Variants in FOXP1 observed in about 807,000 individuals in gnomAD.
FOXP1 encodes forkhead box protein P1.
A neutral mutation model predicts 98.2 loss-of-function variants in FOXP1; 15 were observed. That is an observed-to-expected ratio of 0.15 (90% CI 0.10 to 0.24). The LOEUF (loss-of-function observed/expected upper bound fraction) is 0.24. Among genes scored for constraint, FOXP1 ranks in the 10% least tolerant of loss-of-function variants. FOXP1 has a pLI of 1.00. For missense variants in FOXP1, 633 were observed against 848.5 expected, an observed-to-expected ratio of 0.75 and a Z score of 3.15; for synonymous variants, 371 against 314.5, an observed-to-expected ratio of 1.18 and a Z score of -1.90.
chr3:71,033,903 G>A (rs2047222504), intron 11 of FOXP1, among the ~76,000 whole-genome samples: 1 of 152,148 alleles, frequency 6.6e-6, no homozygotes, highest in South Asian at 2.1e-4. Context: ...GACCTCAGCA[G>A]GAACAGCTTT....
intron 5 of FOXP1, among the ~76,000 whole-genome samples, chr3:71,207,210 A>G (rs1004873704): frequency 6.6e-6 from 1 of 152,024 alleles, no homozygotes; most frequent in African/African-American, 2.4e-5. Flanking sequence ...CAAATAGCCC[A>G]GTGGAATAAA....
chr3:71,582,195 A>C, intron 1 of FOXP1: 1 of 983,266 alleles, frequency 1.0e-6, no homozygotes, highest in South Asian at 4.7e-5. Context: ...CCCGGGACCA[A>C]GGCGGAGCTC....
chr3:70,972,970 C>G (rs1190185599), intron 17 of FOXP1, among the ~76,000 whole-genome samples: 2 of 152,156 alleles, frequency 1.3e-5, no homozygotes, highest in African/African-American at 4.8e-5. Context: ...GAGTACAAAT[C>G]TGAAAATGTT....
chr3:71,232,877 C>CAAAAAAGAAAAA (rs2066420273), intron 5 of FOXP1, among the ~76,000 whole-genome samples: 1 of 31,422 alleles, frequency 3.2e-5, no homozygotes, highest in Non-Finnish European at 5.9e-5. Context: ...AACTCTGTCT[C>CAAAAAAGAAAAA]AAAAAAAAAA....
intron 3 of FOXP1, among the ~76,000 whole-genome samples, chr3:71,477,040 G>A (rs542037635): frequency 6.6e-6 from 1 of 152,148 alleles, no homozygotes; most frequent in Non-Finnish European, 1.5e-5. Context: ...ATAAGAAAAG[G>A]TGAGGGCCTT....
intron 2 of FOXP1, among the ~76,000 whole-genome samples, chr3:71,505,716 C>A (rs1284587838): frequency 6.6e-6 from 1 of 152,086 alleles, no homozygotes; most frequent in Non-Finnish European, 1.5e-5. Context: ...TGAGCCACTG[C>A]GCCCAGCCCT....
At chr3:71,009,074 G>T (rs1280561056) in intron 12 of FOXP1, among the ~76,000 whole-genome samples, 1 of 139,694 alleles carries the variant, frequency 7.2e-6, no homozygotes, top group Non-Finnish European at 1.5e-5. Context: ...CTCTCCCTTA[G>T]TCTGAACCCT....
intron 7 of FOXP1, among the ~76,000 whole-genome samples, chr3:71,091,318 C>G (rs575944614): frequency 1.3e-5 from 2 of 151,872 alleles, no homozygotes; most frequent in African/African-American, 2.4e-5. Flanking sequence ...GAAGAAACCC[C>G]GTCTCTACTA....
At chr3:70,970,604 C>T (rs2036006853) in intron 19 of FOXP1, 132 bp downstream of exon 19, 2 of 818,954 alleles carry the variant, frequency 2.4e-6, no homozygotes, top group East Asian at 2.5e-5. Flanking sequence ...GAGTATGATG[C>T]TTTGTGCACT....
intron 3 of FOXP1, among the ~76,000 whole-genome samples, chr3:71,406,318 C>T (rs989469197): frequency 6.6e-6 from 1 of 150,914 alleles, no homozygotes; most frequent in African/African-American, 2.4e-5. Flanking sequence ...CTTGGAGCTG[C>T]TCACATCTCT....
intron 11 of FOXP1, among the ~76,000 whole-genome samples, chr3:71,027,311 C>A (rs2046266485): frequency 6.6e-6 from 1 of 152,164 alleles, no homozygotes; most frequent in Non-Finnish European, 1.5e-5. Flanking sequence ...CCCCAGTATG[C>A]TATGGAAGTC....
intron 5 of FOXP1, among the ~76,000 whole-genome samples, chr3:71,206,244 C>T (rs939774820): frequency 6.6e-6 from 1 of 152,146 alleles, no homozygotes; most frequent in Non-Finnish European, 1.5e-5. Context: ...CTTTTATATT[C>T]CAACTTTAAA....
intron 11 of FOXP1, among the ~76,000 whole-genome samples, chr3:71,019,552 G>C (rs1338708033): frequency 6.6e-6 from 1 of 152,054 alleles, no homozygotes; most frequent in African/African-American, 2.4e-5. Context: ...GTTTGAGTTC[G>C]GGGGCGGTGG....
Position 70,992,000 on chromosome 3 carries a change from C to G in FOXP1, c.1063-3923G>C, listed in dbSNP as rs568054517. Among the ~76,000 whole-genome samples the G allele has an allele frequency of 7.2e-5, 11 of 152,246 alleles. No homozygotes were observed. In the South Asian group the frequency reaches 2.3e-3, roughly 32 times the overall value. ...ATTTTAAATTATGAAAAGAAGGTGT[C>G]TTTTCAAAGAATCTCCATGGAAGGG... On this transcript the variant is annotated intron_variant, in intron 13 of 20. Coordinates refer to ENST00000649528, the MANE Select transcript of FOXP1 (RefSeq NM_001349338.3).
intron 3 of FOXP1, among the ~76,000 whole-genome samples, chr3:71,393,851 T>C (rs2081203971): frequency 6.6e-6 from 1 of 152,178 alleles, no homozygotes; most frequent in South Asian, 2.1e-4. Context: ...TCCCATCTGA[T>C]TCTTTTTCAT....
In FOXP1 at chr3:70,955,539, A is replaced by T; in HGVS notation, c.*3708T>A. 1 of 232,204 alleles carries T rather than the reference A, an allele frequency of 4.3e-6. No homozygotes were observed. Among genetic ancestry groups the T allele is most frequent in the Non-Finnish European group, 8.5e-6 (1 of 117,826 alleles). The allele number at this position is 232,204 out of a possible 1,614,324, so 14.4% of individuals were successfully genotyped here. On this transcript the variant is annotated 3_prime_UTR_variant, in exon 21 of 21. Transcript: ENST00000649528. Reference sequence around the variant, plus strand: ...TTTTCTTTGAGAAAAAAAAAGTAACAGATTTTCTTTACATCTTGGCACCTT... The same window carrying T: ...TTTTCTTTGAGAAAAAAAAAGTAACTGATTTTCTTTACATCTTGGCACCTT...
intron 9 of FOXP1, among the ~76,000 whole-genome samples, chr3:71,050,301 T>G (rs1319340092): frequency 6.6e-6 from 1 of 152,174 alleles, no homozygotes; most frequent in Non-Finnish European, 1.5e-5. Context: ...TGAACTTTCA[T>G]GTTCTCCCAG....
chr3:71,272,094 CTG>C (rs1193707012), intron 5 of FOXP1, among the ~76,000 whole-genome samples: 9 of 152,180 alleles, frequency 5.9e-5, no homozygotes, highest in Admixed American at 5.2e-4. Flanking sequence ...TCTCTACCCA[CTG>C]GGATTTTAGA....
intron 2 of FOXP1, chr3:71,567,853 G>A (rs1269443939): frequency 2.6e-5 from 4 of 151,974 alleles, no homozygotes; most frequent in Admixed American, 6.6e-5. Flanking sequence ...CTTCCAGAAT[G>A]AAGCAGGTCA....
Sources: allele counts gnomAD v4.1 joint callset (sites outside exome capture counted in the v4.1 genomes callset), GRCh38; gene constraint gnomAD v4.1.1; transcripts MANE v1.5; gene names NCBI Gene and HGNC (gene_info 2026-07-23, HGNC 2026-07-21).